The following RC3H1 variants were observed in gnomAD, a reference collection of about 807,000 sequenced individuals.
The protein encoded by RC3H1 is ring finger and CCCH-type domains 1.
In RC3H1, 50 loss-of-function variants were observed where a neutral mutation model predicts 138.2. That is an observed-to-expected ratio of 0.36 (90% CI 0.29 to 0.46). The LOEUF is 0.46. Among genes scored for constraint, RC3H1 ranks in the 20% least tolerant of loss-of-function variants. The pLI is 1.00. For missense variants in RC3H1, 1,031 were observed against 1,388.1 expected, an observed-to-expected ratio of 0.74 and a Z score of 4.09; for synonymous variants, 462 against 489.1, an observed-to-expected ratio of 0.94 and a Z score of 0.73.
chr1:173,931,608 A>G lies in RC3H1; in HGVS notation c.*7113T>C, dbSNP rs1230123029. On this transcript the variant is annotated 3_prime_UTR_variant, in exon 20 of 20. Transcript: ENST00000367696. ...TTTTTTCCACCACACTTGTTTTGAA[A>G]GCTGCTTAAAAATCAGAAATATTAA... 1 of 152,178 alleles carries G rather than the reference A, an allele frequency of 6.6e-6. No individual in the cohort carries two copies. The highest frequency in any genetic ancestry group is 1.5e-5 in the Non-Finnish European group (1 of 68,024). 9.4% of individuals were successfully genotyped at this position (152,178 alleles called of 1,614,324 possible). A position where few individuals can be genotyped will look rare whatever the true frequency, so the allele number is the denominator to read the frequency against.
intron 7 of RC3H1, among the ~76,000 whole-genome samples, chr1:173,977,046 C>T (rs1303739422): frequency 6.6e-6 from 1 of 151,998 alleles, no homozygotes; most frequent in African/African-American, 2.4e-5. Context: ...CCTCAGCCTC[C>T]CGAGTAGCTG....
intron 19 of RC3H1, 29 bp downstream of exon 19, chr1:173,941,236 T>G (rs1320956086): frequency 1.5e-6 from 2 of 1,303,624 alleles, no homozygotes; most frequent in African/African-American, 2.9e-5. Flanking sequence ...TGTAATTTAA[T>G]ATGGCTACGA....
chr1:173,949,736 T>C (rs1429847419), intron 14 of RC3H1, among the ~76,000 whole-genome samples: 1 of 152,246 alleles, frequency 6.6e-6, no homozygotes, highest in East Asian at 1.9e-4. Context: ...TGAAGAATGT[T>C]TGTTGGAGTA....
intron 6 of RC3H1, among the ~76,000 whole-genome samples, chr1:173,979,908 A>G (rs1660737877): frequency 6.6e-6 from 1 of 151,914 alleles, no homozygotes; most frequent in Non-Finnish European, 1.5e-5. Context: ...ATCCCCCCTA[A>G]AGAGACAGGG....
At position 173,978,562 on chromosome 1, in the gene RC3H1, C is replaced by T; in HGVS notation, c.1028G>A (p.Arg343Gln). 4.3e-6 allele frequency: 7 copies of T among 1,613,584 alleles called. No homozygotes were observed. Among genetic ancestry groups the T allele is most frequent in the Non-Finnish European group, 5.1e-6 (6 of 1,179,610 alleles). ...SVQELTIALQRTGDPANLNRL... is the reference protein window; with the variant it reads ...SVQELTIALQQTGDPANLNRL... The stretch of plus-strand genomic sequence containing the variant: ...GTTCAAGTTTGCTGGGTCTCCAGTT[C>T]GCTGGAGAGCAATTGTTAGTTCCTG... The change falls in exon 7 of 20, where the codon CGA becomes CAA. Residue 343 changes from arginine (R) to glutamine (Q), a missense_variant. Arg to Gln is a conservative substitution (Grantham distance 43). Transcript: ENST00000367696.
rs547433108 is a variant in RC3H1 at position 173,933,395 on chromosome 1, C to T, written c.*5326G>A. On this transcript the variant is annotated 3_prime_UTR_variant, in exon 20 of 20. Transcript: ENST00000367696. The stretch of plus-strand genomic sequence containing the variant: ...ATAGATTTATTATTAAAAGGTGTTA[C>T]TTATTCCTGGTGGTGATAGTCTTAC... 9.2e-5 allele frequency: 14 copies of T among 152,120 alleles called. No individual in the cohort carries two copies. The highest frequency in any genetic ancestry group is 8.5e-4 in the Admixed American group (13 of 15,266). The allele number at this position is 152,120 out of a possible 1,614,324, so 9.4% of individuals were successfully genotyped here. A position where few individuals can be genotyped will look rare whatever the true frequency, so the allele number is the denominator to read the frequency against.
chr1:173,996,266 G>A (rs1011476879), intron 1 of RC3H1, among the ~76,000 whole-genome samples: 2 of 151,666 alleles, frequency 1.3e-5, no homozygotes, highest in Non-Finnish European at 2.9e-5. Context: ...TGTATGGAAA[G>A]AGACTCAAAA....
chr1:173,957,034 C>T (rs1204213045), intron 13 of RC3H1, among the ~76,000 whole-genome samples: 3 of 152,106 alleles, frequency 2.0e-5, no homozygotes, highest in African/African-American at 7.2e-5. Context: ...CTGCCTCAGT[C>T]TCCCGAGTAG....
rs1177526821 is a variant in RC3H1, at chr1:173,946,504, C to T, written c.2933G>A (p.Ser978Asn). ...LELQQLNHQI[S>N]QQTQLRGLEA... ...TAGTCCACGTAGCTGGGTCTGCTGG[C>T]TAATCTGATGGTTCAATTGCTGCAA... Residue 978 changes from serine (S) to asparagine (N), a missense_variant, in exon 17 of 20, where the codon AGC becomes AAC. Ser to Asn is a conservative substitution (Grantham distance 46). Transcript: ENST00000367696. 2.5e-6 allele frequency: 4 copies of T among 1,614,142 alleles called. No homozygotes were observed. Among genetic ancestry groups the T allele is most frequent in the Non-Finnish European group, 3.4e-6 (4 of 1,180,024 alleles).
chr1:173,947,419 A>G lies in RC3H1; in HGVS notation c.2687T>C (p.Met896Thr), dbSNP rs1313606924. ...AGCTCCCTGAGGTGCCATAGCCTGCATTGGACCAGCACCCTGATATATAGT... is the reference window on the plus strand; with the variant it reads ...AGCTCCCTGAGGTGCCATAGCCTGCGTTGGACCAGCACCCTGATATATAGT... The part of the protein sequence containing the change: ...SKTIYQGAGP[M>T]QAMAPQGAPT... The change falls in exon 15 of 20, where the codon ATG (methionine) becomes ACG (threonine). Residue 896 changes from methionine (M) to threonine (T), a missense_variant. By Grantham distance (81) the Met-to-Thr change is moderately conservative. Coordinates refer to ENST00000367696, the MANE Select transcript of RC3H1 (RefSeq NM_172071.4). 6.2e-7 allele frequency: 1 copy of G among 1,614,096 alleles called. No individual in the cohort carries two copies. Among genetic ancestry groups the G allele is most frequent in the Non-Finnish European group, 8.5e-7 (1 of 1,180,000 alleles).
rs1201558386 is a variant in RC3H1 at position 173,936,778 on chromosome 1, TAA to T, written c.*1941_*1942del. ...ATATATATATTTTTTTTTTTTTTTT[TAA>T]AAAAAGAAGACAAATGTATAAGAAA... On this transcript the variant is annotated 3_prime_UTR_variant, in exon 20 of 20. Transcript: ENST00000367696. The T allele has an allele frequency of 2.1e-5, 2 of 97,050 alleles. No individual in the cohort carries two copies. The highest frequency in any genetic ancestry group is 3.8e-5 in the African/African-American group (1 of 26,510). 6.0% of individuals were successfully genotyped at this position (97,050 alleles called of 1,614,324 possible). A position where few individuals can be genotyped will look rare whatever the true frequency, so the allele number is the denominator to read the frequency against.
At chr1:174,018,458 T>C (rs184541406) in intron 1 of RC3H1, among the ~76,000 whole-genome samples, 3 of 152,302 alleles carry the variant, frequency 2.0e-5, no homozygotes, top group Admixed American at 2.0e-4. Context: ...AGGGCAACAT[T>C]ACTTCAGATT....
chr1:173,961,094 T>C lies in RC3H1; in HGVS notation c.2353A>G (p.Thr785Ala). The change falls in exon 13 of 20, where the codon ACC (threonine) becomes GCC (alanine). Residue 785 changes from threonine (T) to alanine (A), a missense_variant. Coordinates refer to ENST00000367696, the MANE Select transcript of RC3H1 (RefSeq NM_172071.4). Reference protein sequence around the residue: ...PFAPSPTLPPTFHPEEFLDED... With the variant: ...PFAPSPTLPPAFHPEEFLDED... ...TTGCTTACTTCTTCCGGATGAAAGG[T>C]AGGAGGCAAGGTTGGTGAAGGTGCA... 1 of 1,612,772 alleles carries C rather than the reference T, an allele frequency of 6.2e-7. No individual in the cohort carries two copies. The highest frequency in any genetic ancestry group is 1.1e-5 in the South Asian group (1 of 90,854).
chr1:173,986,096 A>C (rs1381534952), intron 2 of RC3H1, among the ~76,000 whole-genome samples: 1 of 152,050 alleles, frequency 6.6e-6, no homozygotes, highest in Non-Finnish European at 1.5e-5. Context: ...ATCTCGGCTC[A>C]CTGCAACCTC....
At chr1:174,014,821 G>A (rs538290482) in intron 1 of RC3H1, among the ~76,000 whole-genome samples, 3 of 152,184 alleles carry the variant, frequency 2.0e-5, no homozygotes, top group African/African-American at 7.2e-5. Context: ...ACTCCAAAGT[G>A]TATGTTCTAT....
At chr1:173,945,881 GTATT>G (rs1182144224) in intron 17 of RC3H1, among the ~76,000 whole-genome samples, 2 of 151,746 alleles carry the variant, frequency 1.3e-5, no homozygotes, top group Admixed American at 6.6e-5. Flanking sequence ...CTAATTTTTT[GTATT>G]TTTAGTAGAC....
rs913925481 is a variant in RC3H1, at chr1:173,934,290, C to A, written c.*4431G>T. ...TTAGTTATTTCTCACCAGTCACATA[C>A]TCAAGAATTCTTTTACTCAGACCCA... On this transcript the variant is annotated 3_prime_UTR_variant, in exon 20 of 20. Coordinates refer to ENST00000367696, the MANE Select transcript of RC3H1 (RefSeq NM_172071.4). 6.6e-6 allele frequency: 1 copy of A among 152,062 alleles called. No individual in the cohort carries two copies. The highest frequency in any genetic ancestry group is 1.5e-5 in the Non-Finnish European group (1 of 68,004). 9.4% of individuals were successfully genotyped at this position (152,062 alleles called of 1,614,324 possible).
intron 5 of RC3H1, among the ~76,000 whole-genome samples, chr1:173,981,310 T>C (rs1660808005): frequency 6.6e-6 from 1 of 152,212 alleles, no homozygotes; most frequent in South Asian, 2.1e-4. Flanking sequence ...TTTCAGATTT[T>C]TTCAAATTTT....
intron 2 of RC3H1, among the ~76,000 whole-genome samples, chr1:173,986,296 A>G (rs186837604): frequency 1.4e-3 from 212 of 152,310 alleles, no homozygotes; most frequent in African/African-American, 4.8e-3. Flanking sequence ...TGTTAATCAG[A>G]TATTAGTTTT....
Sources: gnomAD v4.1 joint callset for allele counts (sites outside exome capture counted in the v4.1 genomes callset) on GRCh38, gnomAD v4.1.1 for gene constraint, MANE v1.5 for transcripts, NCBI Gene and HGNC (gene_info 2026-07-23, HGNC 2026-07-21) for gene names.